FAAH2: variants seen among roughly 807,000 people sequenced by gnomAD.
FAAH2 encodes the protein fatty-acid amide hydrolase 2.
Under a neutral mutation model 36.9 loss-of-function variants are expected in FAAH2, and 60 were observed. The observed-to-expected ratio is 1.63, with a 90% CI of 1.32 to 2.02. FAAH2 has a LOEUF of 2.02. Among genes scored for constraint, FAAH2 ranks in the 30% most tolerant of loss-of-function variants. FAAH2 has a pLI of 0.00. For missense variants in FAAH2, 689 were observed against 397.5 expected (o/e 1.73, Z -6.23); for synonymous variants, 214 against 143.8 (o/e 1.49, Z -3.49).
chrX:57,362,805 T>C (rs1282678414), intron 5 of FAAH2, among the ~76,000 whole-genome samples: 1 of 112,217 alleles, frequency 8.9e-6, no homozygotes, highest in Non-Finnish European at 1.9e-5. Flanking sequence ...GACTAGCCAG[T>C]TATCTAAACA....
At chrX:57,378,517 T>C in intron 5 of FAAH2, 134 bp from the exon 6 acceptor site, 1 of 751,444 alleles carries the variant, frequency 1.3e-6, no homozygotes. Context: ...ACTACTGCAA[T>C]GAGATATAAG....
chrX:57,169,885 C>T, the FAAH2 span, among the ~76,000 whole-genome samples: 1 of 108,889 alleles, frequency 9.2e-6, no homozygotes, highest in East Asian at 2.9e-4. Context: ...CACACACACA[C>T]ACACACACAA....
intron 10 of FAAH2, among the ~76,000 whole-genome samples, chrX:57,472,275 G>A (rs2057183608): frequency 8.9e-6 from 1 of 111,951 alleles, no homozygotes. Context: ...CTTCTGCACA[G>A]CCAAAGAAAC....
chrX:57,468,784 G>A (rs979210213), intron 10 of FAAH2, among the ~76,000 whole-genome samples: 4 of 111,174 alleles, frequency 3.6e-5, no homozygotes, highest in African/African-American at 1.3e-4. Context: ...GCAACTCCAA[G>A]ACACATAATT....
the FAAH2 span, among the ~76,000 whole-genome samples, chrX:57,128,012 CA>C: frequency 5.4e-5 from 6 of 111,600 alleles, no homozygotes; most frequent in African/African-American, 1.6e-4. Flanking sequence ...ACAATGTATT[CA>C]AAAGTTCTGG....
chrX:57,214,825 G>A, the FAAH2 span, among the ~76,000 whole-genome samples: 17 of 111,230 alleles, frequency 1.5e-4, no homozygotes, highest in South Asian at 5.7e-3. Context: ...GAAAACTCCA[G>A]CATAAGATCC....
chrX:57,286,567 A>G (rs1274590474), upstream of FAAH2: 4 of 270,559 alleles, frequency 1.5e-5, no homozygotes, highest in Non-Finnish European at 2.6e-5. Context: ...CTTTCTTATG[A>G]CGCATTTTCT....
intron 3 of FAAH2, among the ~76,000 whole-genome samples, chrX:57,317,599 C>A (rs770706114): frequency 1.8e-5 from 2 of 111,595 alleles, no homozygotes; most frequent in Admixed American, 1.9e-4. Flanking sequence ...CACTATTAGA[C>A]AGATCAACAA....
chrX:57,389,831 T>G (rs943850142), intron 7 of FAAH2, among the ~76,000 whole-genome samples: 1 of 110,813 alleles, frequency 9.0e-6, no homozygotes, highest in Non-Finnish European at 1.9e-5. Context: ...AAGGTTTCCC[T>G]TTTCTCCCTG....
At chrX:57,205,564 C>G in the FAAH2 span, among the ~76,000 whole-genome samples, 1 of 112,159 alleles carries the variant, frequency 8.9e-6, no homozygotes, top group Non-Finnish European at 1.9e-5. Flanking sequence ...CATATCAAAG[C>G]AGTCAATACC....
the FAAH2 span, among the ~76,000 whole-genome samples, chrX:57,228,090 C>T: frequency 8.9e-6 from 1 of 112,150 alleles, no homozygotes; most frequent in African/African-American, 3.2e-5. Flanking sequence ...ATGAAAAGGG[C>T]TTTAGTTCTT....
intron 7 of FAAH2, among the ~76,000 whole-genome samples, chrX:57,395,717 C>T (rs2055277898): frequency 9.0e-6 from 1 of 111,521 alleles, no homozygotes; most frequent in African/African-American, 3.3e-5. Flanking sequence ...GGTATCAAAC[C>T]CACATGGCTT....
rs1455915250 is a variant in FAAH2 at position 57,286,831 on chromosome X, A to G, written c.6A>G (p.Ala2=). M[A]PSFTARIQLF... The stretch of plus-strand genomic sequence containing the variant: ...CGTGCGGAATCCAGGCTGCGATGGC[A>G]CCTTCATTTACCGCCCGCATTCAGT... The change falls in exon 1 of 11, where the codon GCA becomes GCG. Residue 2 remains alanine (A), a synonymous_variant. Coordinates refer to ENST00000374900, the MANE Select transcript of FAAH2 (RefSeq NM_174912.4). 6 of 1,177,946 alleles carry G rather than the reference A, an allele frequency of 5.1e-6. No homozygotes were observed. Among genetic ancestry groups the G allele is most frequent in the Non-Finnish European group, 6.8e-6 (6 of 877,897 alleles).
the FAAH2 span, among the ~76,000 whole-genome samples, chrX:57,124,244 CGTTTATTAAAT>C: frequency 2.7e-5 from 3 of 111,420 alleles, no homozygotes; most frequent in South Asian, 1.1e-3. Flanking sequence ...TTCCCAGCAC[CGTTTATTAAAT>C]AGGGAATCCT....
chrX:57,169,707 A>C, the FAAH2 span, among the ~76,000 whole-genome samples: 2 of 101,375 alleles, frequency 2.0e-5, no homozygotes, highest in African/African-American at 6.9e-5. Flanking sequence ...CCAGAAGAGG[A>C]AGGGATTTTA....
the FAAH2 span, among the ~76,000 whole-genome samples, chrX:57,271,224 C>T: frequency 8.9e-6 from 1 of 112,644 alleles, no homozygotes; most frequent in Non-Finnish European, 1.9e-5. Context: ...CTGGGAAGTT[C>T]GAACTGGGCA....
At chrX:57,290,811 T>C (rs1244609521) in intron 1 of FAAH2, among the ~76,000 whole-genome samples, 1 of 111,954 alleles carries the variant, frequency 8.9e-6, no homozygotes, top group Non-Finnish European at 1.9e-5. Context: ...TTAGCCACAA[T>C]CAATATATTT....
At chrX:57,415,388 T>G (rs1177442535) in intron 7 of FAAH2, among the ~76,000 whole-genome samples, 1 of 111,786 alleles carries the variant, frequency 8.9e-6, no homozygotes. Context: ...CTCTAAACAC[T>G]GCTTTAGCTG....
rs763340629 is a variant in FAAH2, at chrX:57,400,479, G to A, written c.996+19450G>A. ...GCCCTGTTGGCATGCTTAACACTGG[G>A]ACTTGGGTTAGAGCCTTCTTTAGGG... is the stretch of plus-strand genomic sequence containing the variant. On this transcript the variant is annotated intron_variant, in intron 7 of 10. Coordinates refer to ENST00000374900, the MANE Select transcript of FAAH2 (RefSeq NM_174912.4). Among the ~76,000 whole-genome samples the A allele has an allele frequency of 3.6e-5, 4 of 112,322 alleles. No homozygotes were observed. The Admixed American group carries it at 3.8e-4, about 11-fold the overall frequency.
Sources: gnomAD v4.1 joint callset for allele counts (sites outside exome capture counted in the v4.1 genomes callset) on GRCh38, gnomAD v4.1.1 for gene constraint, MANE v1.5 for transcripts, NCBI Gene and HGNC (gene_info 2026-07-23, HGNC 2026-07-21) for gene names.